The following COL5A2 variants were observed in gnomAD, a reference collection of about 807,000 sequenced individuals.
COL5A2 encodes the protein collagen alpha-2(V) chain.
COL5A2 carries 23 observed loss-of-function variants against 208.2 expected under a neutral mutation model. The ratio of observed to expected loss-of-function variants is 0.11; its 90% CI spans 0.08 to 0.16. COL5A2 has a LOEUF of 0.16. Ranked by LOEUF, COL5A2 falls within the 10% of genes least tolerant of loss-of-function variation. The probability of loss-of-function intolerance (pLI) is 1.00; values close to 1 mark genes in which losing one functional copy is unlikely to be tolerated. For synonymous variants in COL5A2, 625 were observed against 628.5 expected (o/e 0.99, Z 0.08); for missense variants, 1,590 against 1,956.4 (o/e 0.81, Z 3.53).
At chr2:189,273,875 G>T in the COL5A2 span, among the ~76,000 whole-genome samples, 2 of 152,014 alleles carry the variant, frequency 1.3e-5, no homozygotes, top group African/African-American at 4.8e-5. Context: ...AGATGTTGGT[G>T]AAAGGACACA....
chr2:189,431,984 C>A, the COL5A2 span, among the ~76,000 whole-genome samples: 1 of 152,154 alleles, frequency 6.6e-6, no homozygotes, highest in Admixed American at 6.5e-5. Flanking sequence ...GCCCATCAGA[C>A]TAATAGCAGA....
At chr2:189,049,539 C>T in intron 43 of COL5A2, 85 bp from the exon 44 acceptor site, 1 of 931,674 alleles carries the variant, frequency 1.1e-6, no homozygotes, top group Non-Finnish European at 1.7e-6. Flanking sequence ...CAAAATGGTG[C>T]CTCTGGGCTC....
At chr2:189,071,752 T>C (rs1377612988) in intron 18 of COL5A2, among the ~76,000 whole-genome samples, 1 of 152,192 alleles carries the variant, frequency 6.6e-6, no homozygotes, top group Non-Finnish European at 1.5e-5. Context: ...AAAGCTCCTA[T>C]TCCTTATAGT....
chr2:189,132,170 T>G (rs1687728802), intron 1 of COL5A2, among the ~76,000 whole-genome samples: 1 of 152,214 alleles, frequency 6.6e-6, no homozygotes, highest in African/African-American at 2.4e-5. Flanking sequence ...ATAGCCACGT[T>G]TTGCATCTAT....
In COL5A2 at chr2:189,057,012, T is replaced by C; in HGVS notation, c.2352A>G (p.Glu784=). 1 of 1,614,100 alleles carries C rather than the reference T, an allele frequency of 6.2e-7. No individual in the cohort carries two copies. The highest frequency in any genetic ancestry group is 8.5e-7 in the Non-Finnish European group (1 of 1,179,968). The change falls in exon 35 of 54, where the codon GAA becomes GAG. Residue 784 remains glutamate, a synonymous_variant. Coordinates refer to ENST00000374866, the MANE Select transcript of COL5A2 (RefSeq NM_000393.5). The part of the protein sequence containing the change: ...GPKGDRGGIG[E]KGAEGTAGND... ...TTCCAGCTGTGCCTTCAGCACCTTT[T>C]TCTCCTATGCCACCCTGGGAAAACA...
chr2:189,038,752 C>T (rs908754450), intron 51 of COL5A2, among the ~76,000 whole-genome samples: 6 of 152,136 alleles, frequency 3.9e-5, no homozygotes, highest in East Asian at 1.9e-4. Flanking sequence ...GGCAGTGGCG[C>T]GATCTCAACT....
At chr2:189,273,565 T>A in the COL5A2 span, among the ~76,000 whole-genome samples, 2 of 152,074 alleles carry the variant, frequency 1.3e-5, no homozygotes, top group Non-Finnish European at 2.9e-5. Context: ...CATTCCAGGA[T>A]TATTCACAAT....
the COL5A2 span, among the ~76,000 whole-genome samples, chr2:189,261,931 A>T: frequency 6.6e-6 from 1 of 152,162 alleles, no homozygotes; most frequent in East Asian, 1.9e-4. Flanking sequence ...AAATTTCTCA[A>T]ATCCTAAAAT....
the COL5A2 span, among the ~76,000 whole-genome samples, chr2:189,438,117 G>A: frequency 1.3e-5 from 2 of 151,666 alleles, no homozygotes; most frequent in Admixed American, 6.6e-5. Flanking sequence ...ATGATGCTCA[G>A]CATTAGTCAT....
intron 1 of COL5A2, among the ~76,000 whole-genome samples, chr2:189,127,037 C>T (rs956688688): frequency 6.6e-6 from 1 of 151,884 alleles, no homozygotes; most frequent in African/African-American, 2.4e-5. Context: ...ATTCAGAGTG[C>T]TTAGGGAGTG....
At chr2:189,127,546 T>C (rs1483592097) in intron 1 of COL5A2, among the ~76,000 whole-genome samples, 1 of 152,070 alleles carries the variant, frequency 6.6e-6, no homozygotes, top group South Asian at 2.1e-4. Context: ...CACTGAAAAC[T>C]ACTTGCTATG....
intron 31 of COL5A2, 151 bp from the exon 32 acceptor site, chr2:189,059,044 T>C (rs1685964773): frequency 6.2e-6 from 4 of 649,368 alleles, no homozygotes; most frequent in Non-Finnish European, 8.2e-6. Flanking sequence ...GTACGTATAT[T>C]TTTATAAATG....
Position 189,051,313 on chromosome 2 carries a change from A to G in COL5A2, c.2931+7T>C. The G allele has an allele frequency of 6.2e-7, 1 of 1,614,060 alleles. No homozygotes were observed. ...AAGGTGGTCTGGAACGGATACGCCAAACTTACAGGTTGCCCATCTTCTCCT... is the reference window on the plus strand; with the variant it reads ...AAGGTGGTCTGGAACGGATACGCCAGACTTACAGGTTGCCCATCTTCTCCT... On this transcript the variant is annotated splice_region_variant and intron_variant, in intron 42 of 53. Coordinates refer to ENST00000374866, the MANE Select transcript of COL5A2 (RefSeq NM_000393.5).
intron 1 of COL5A2, among the ~76,000 whole-genome samples, chr2:189,220,544 T>A (rs982101590): frequency 1.3e-5 from 2 of 152,022 alleles, no homozygotes; most frequent in African/African-American, 4.8e-5. Flanking sequence ...TTAGCCAATA[T>A]AAAAAGAAAA....
intron 1 of COL5A2, among the ~76,000 whole-genome samples, chr2:189,217,899 C>T (rs1689298967): frequency 6.6e-6 from 1 of 152,160 alleles, no homozygotes; most frequent in Admixed American, 6.5e-5. Context: ...TAGTATTTCA[C>T]AGGCAGATTT....
chr2:189,311,985 A>G, the COL5A2 span: 2 of 749,774 alleles, frequency 2.7e-6, no homozygotes, highest in Non-Finnish European at 4.9e-6. Flanking sequence ...GACCTTGTGG[A>G]GCCCATGGAT....
chr2:189,085,303 T>C (rs1361128214), intron 10 of COL5A2, 90 bp from the exon 11 acceptor site: 5 of 1,028,430 alleles, frequency 4.9e-6, no homozygotes, highest in Non-Finnish European at 7.4e-6. Flanking sequence ...ACAAATGAAA[T>C]GTCAAACTAT....
At position 189,068,777 on chromosome 2, in the gene COL5A2, G is replaced by C; in HGVS notation, c.1257+9C>G. On this transcript the variant is annotated intron_variant, in intron 19 of 53. Coordinates refer to ENST00000374866, the MANE Select transcript of COL5A2 (RefSeq NM_000393.5). ...TCTGGGCTGGTTCTTAAATATGCTA[G>C]AAACTTACAGGAAGACCTGGAGAGC... The C allele has an allele frequency of 6.3e-7, 1 of 1,599,472 alleles. No homozygotes were observed. The highest frequency in any genetic ancestry group is 1.7e-5 in the Admixed American group (1 of 59,960).
the COL5A2 span, among the ~76,000 whole-genome samples, chr2:189,234,606 A>C: frequency 5.9e-5 from 9 of 151,842 alleles, no homozygotes; most frequent in South Asian, 8.3e-4. Context: ...CTGAAAATTC[A>C]GTAGAGGATG....
Sources: allele counts gnomAD v4.1 joint callset (sites outside exome capture counted in the v4.1 genomes callset), GRCh38; gene constraint gnomAD v4.1.1; transcripts MANE v1.5; gene names NCBI Gene and HGNC (gene_info 2026-07-23, HGNC 2026-07-21).